The following MAPKAP1 variants were observed in gnomAD, a reference collection of about 807,000 sequenced individuals.
MAPKAP1 encodes target of rapamycin complex 2 subunit MAPKAP1.
Under a neutral mutation model 65.7 loss-of-function variants are expected in MAPKAP1, and 20 were observed. The observed-to-expected ratio is 0.30, with a 90% CI of 0.21 to 0.44. The LOEUF is 0.44. Ranked by LOEUF, MAPKAP1 falls within the 20% of genes least tolerant of loss-of-function variation. The pLI is 1.00. For synonymous variants in MAPKAP1, 222 were observed against 244.3 expected (o/e 0.91, Z 0.85); for missense variants, 423 against 648.0 (o/e 0.65, Z 3.77).
chr9:125,596,344 C>A, intron 4 of MAPKAP1: 1 of 767,934 alleles, frequency 1.3e-6, no homozygotes, highest in Non-Finnish European at 2.3e-6. Flanking sequence ...GGTTGTGGTG[C>A]CTTTGGTGGC....
intron 6 of MAPKAP1, among the ~76,000 whole-genome samples, chr9:125,557,917 C>T (rs113651235): frequency 0.021 from 3,133 of 152,212 alleles, 36 homozygotes; most frequent in South Asian, 0.041. Flanking sequence ...AGTGCAATGG[C>T]GCGATCTCAG....
At chr9:125,542,571 G>C in intron 7 of MAPKAP1, among the ~76,000 whole-genome samples, 1 of 152,030 alleles carries the variant, frequency 6.6e-6, no homozygotes, top group East Asian at 1.9e-4. Context: ...TGCACATCAA[G>C]TGATTTGTCT....
At chr9:125,705,141 A>G (rs1450819474) in intron 1 of MAPKAP1, among the ~76,000 whole-genome samples, 1 of 152,150 alleles carries the variant, frequency 6.6e-6, no homozygotes, top group Non-Finnish European at 1.5e-5. Flanking sequence ...TAACATTCAT[A>G]TGTTTTGTCC....
At chr9:125,625,298 A>G (rs1833084865) in intron 4 of MAPKAP1, among the ~76,000 whole-genome samples, 1 of 148,322 alleles carries the variant, frequency 6.7e-6, no homozygotes, top group African/African-American at 2.5e-5. Flanking sequence ...GAGAATTTAC[A>G]TTCCAAAATG....
At chr9:125,442,128 C>CAA (rs71492449) in intron 11 of MAPKAP1, among the ~76,000 whole-genome samples, 2,580 of 38,648 alleles carry the variant, frequency 0.067, 439 homozygotes, top group African/African-American at 0.12. Context: ...GACTCTGTCT[C>CAA]AAAAAAAAAA....
intron 6 of MAPKAP1, among the ~76,000 whole-genome samples, chr9:125,548,936 A>G (rs1317179155): frequency 2.0e-5 from 3 of 152,348 alleles, no homozygotes; most frequent in East Asian, 3.9e-4. Context: ...CATATAACTA[A>G]TAAGTCCTGA....
chr9:125,701,423 C>G (rs536569852), intron 1 of MAPKAP1, among the ~76,000 whole-genome samples: 1 of 152,180 alleles, frequency 6.6e-6, no homozygotes, highest in African/African-American at 2.4e-5. Flanking sequence ...TTGTAAGTGA[C>G]GTGACCAAAC....
chr9:125,546,832 G>A (rs928749379), intron 6 of MAPKAP1, among the ~76,000 whole-genome samples: 21 of 152,152 alleles, frequency 1.4e-4, no homozygotes, highest in African/African-American at 5.1e-4. Context: ...TGAACAGGCA[G>A]GCTACACACA....
At chr9:125,483,836 T>A (rs1432925184) in intron 9 of MAPKAP1, among the ~76,000 whole-genome samples, 2 of 152,182 alleles carry the variant, frequency 1.3e-5, no homozygotes, top group Non-Finnish European at 2.9e-5. Flanking sequence ...CAGTGACTAA[T>A]ACACAGCAGA....
chr9:125,603,972 C>T lies in MAPKAP1; in HGVS notation c.499-18245G>A, dbSNP rs376183460. ...AAATAACAAGGTATGATTACAACAA[C>T]AAGAAAGAAATATAATGCTGTTACC... On this transcript the variant is annotated intron_variant, in intron 4 of 11. Transcript: ENST00000265960. Among the ~76,000 whole-genome samples the T allele has an allele frequency of 6.8e-5, 10 of 147,760 alleles. No individual in the cohort carries two copies. In the South Asian group the frequency reaches 1.5e-3, roughly 22 times the overall value.
At chr9:125,534,824 A>T (rs766495741) in intron 7 of MAPKAP1, among the ~76,000 whole-genome samples, 3 of 152,068 alleles carry the variant, frequency 2.0e-5, no homozygotes, top group Non-Finnish European at 4.4e-5. Flanking sequence ...ATTCATCTTC[A>T]GATTTCAGCT....
chr9:125,699,773 C>T (rs1835541365), intron 1 of MAPKAP1, among the ~76,000 whole-genome samples: 1 of 151,984 alleles, frequency 6.6e-6, no homozygotes, highest in African/African-American at 2.4e-5. Context: ...AGATGTGCGC[C>T]ACCATGCCTG....
chr9:125,512,552 C>A (rs549145995), intron 7 of MAPKAP1, among the ~76,000 whole-genome samples: 1 of 152,114 alleles, frequency 6.6e-6, no homozygotes, highest in East Asian at 1.9e-4. Flanking sequence ...TTTCCTCTCA[C>A]GTAGTTTATT....
chr9:125,441,463 G>T (rs1852480750), intron 11 of MAPKAP1, among the ~76,000 whole-genome samples: 1 of 152,188 alleles, frequency 6.6e-6, no homozygotes, highest in Non-Finnish European at 1.5e-5. Flanking sequence ...CAAGATAATG[G>T]ACATTAGATG....
chr9:125,659,691 G>GCACA (rs1223931223), intron 3 of MAPKAP1, among the ~76,000 whole-genome samples: 1 of 145,942 alleles, frequency 6.9e-6, no homozygotes, highest in Non-Finnish European at 1.5e-5. Flanking sequence ...AGTCACATCA[G>GCACA]CACACAGTAC....
intron 6 of MAPKAP1, among the ~76,000 whole-genome samples, chr9:125,556,867 C>CTGACACA: frequency 6.6e-6 from 1 of 152,102 alleles, no homozygotes; most frequent in Non-Finnish European, 1.5e-5. Flanking sequence ...ACACACAGGG[C>CTGACACA]AAACGGTCAG....
intron 8 of MAPKAP1, among the ~76,000 whole-genome samples, chr9:125,502,430 T>C (rs1355526863): frequency 1.3e-5 from 2 of 152,220 alleles, no homozygotes; most frequent in East Asian, 3.8e-4. Flanking sequence ...ATATTTGAAT[T>C]AGAGGGCTGT....
At chr9:125,448,134 G>A (rs1384888588) in intron 10 of MAPKAP1, among the ~76,000 whole-genome samples, 5 of 152,166 alleles carry the variant, frequency 3.3e-5, no homozygotes, top group Non-Finnish European at 7.3e-5. Flanking sequence ...AGCAGTTCCC[G>A]TAGTCAGCCA....
chr9:125,633,416 G>A (rs1833342338), intron 4 of MAPKAP1, among the ~76,000 whole-genome samples: 1 of 152,190 alleles, frequency 6.6e-6, no homozygotes, highest in Non-Finnish European at 1.5e-5. Flanking sequence ...GCTTCTGCCT[G>A]AATTCTTATT....
Sources: allele counts gnomAD v4.1 joint callset (sites outside exome capture counted in the v4.1 genomes callset), GRCh38; gene constraint gnomAD v4.1.1; transcripts MANE v1.5; gene names NCBI Gene and HGNC (gene_info 2026-07-23, HGNC 2026-07-21).